Variants in ZNF90 observed in about 807,000 individuals in gnomAD.
ZNF90 encodes the protein zinc finger protein 90, also known as zinc finger protein HTF9.
ZNF90 carries 11 observed loss-of-function variants against 12.0 expected under a neutral mutation model. That is an observed-to-expected ratio of 0.92 (90% CI 0.58 to 1.52). The LOEUF is 1.52. Ranked by LOEUF, ZNF90 falls within the 40% of genes most tolerant of loss-of-function variation. The pLI is 0.00. For missense variants in ZNF90, 765 were observed against 711.5 expected (o/e 1.08, Z -0.86); for synonymous variants, 232 against 240.1 (o/e 0.97, Z 0.31).
intron 3 of ZNF90, among the ~76,000 whole-genome samples, chr19:20,117,219 T>A (rs1375001912): frequency 6.6e-6 from 1 of 152,004 alleles, no homozygotes; most frequent in Non-Finnish European, 1.5e-5. Flanking sequence ...ATATTTTGTA[T>A]TTTTAGTACA....
intron 1 of ZNF90, among the ~76,000 whole-genome samples, chr19:20,087,908 T>A (rs2088872052): frequency 6.6e-6 from 1 of 151,898 alleles, no homozygotes; most frequent in Non-Finnish European, 1.5e-5. Context: ...TCAGTGGGGG[T>A]GCTTTTTGAG....
intron 3 of ZNF90, among the ~76,000 whole-genome samples, chr19:20,115,754 A>C (rs1461130301): frequency 6.6e-6 from 1 of 151,622 alleles, no homozygotes; most frequent in African/African-American, 2.4e-5. Context: ...ACTTTTTGTA[A>C]TTTTTATATC....
At chr19:20,086,274 G>A (rs1011670660) in intron 1 of ZNF90, among the ~76,000 whole-genome samples, 2 of 107,782 alleles carry the variant, frequency 1.9e-5, no homozygotes, top group Admixed American at 1.4e-4. Context: ...TCTCACTCTT[G>A]CCCAGGCTGG....
In ZNF90 at chr19:20,117,515, G is replaced by A. The variant is rs145556045; in HGVS notation, c.227-266G>A. 2.7e-3 allele frequency: 2,324 copies of A among 873,438 alleles called. 37 individuals carry two copies. The African/African-American group carries it at 0.034, about 13-fold the overall frequency. 54.1% of individuals were successfully genotyped at this position (873,438 alleles called of 1,614,324 possible). ...TGCAGTGGTGTGATCTTGGGTCACC[G>A]CAATCTCCGCCTCCCAGGCTCAAGC... On this transcript the variant is annotated intron_variant, in intron 3 of 3. Transcript: ENST00000418063.
intron 1 of ZNF90, among the ~76,000 whole-genome samples, chr19:20,091,827 G>T (rs949006966): frequency 6.6e-6 from 1 of 151,528 alleles, no homozygotes; most frequent in African/African-American, 2.4e-5. Context: ...ATATTGATGC[G>T]TAGTCCTTTT....
At chr19:20,091,381 T>A (rs1555702690) in intron 1 of ZNF90, among the ~76,000 whole-genome samples, 1 of 152,156 alleles carries the variant, frequency 6.6e-6, no homozygotes, top group Admixed American at 6.5e-5. Context: ...GCTTGTAACC[T>A]ACATGGAAGA....
At chr19:20,092,577 TTG>T (rs1203271717) in intron 1 of ZNF90, among the ~76,000 whole-genome samples, 1 of 152,144 alleles carries the variant, frequency 6.6e-6, no homozygotes, top group Non-Finnish European at 1.5e-5. Context: ...AGGTTTCCTT[TTG>T]TGAGTTTATA....
At chr19:20,085,268 C>CTTTTTTTTTTCTTTCTTTTTT (rs56068843) in intron 1 of ZNF90, among the ~76,000 whole-genome samples, 7 of 135,574 alleles carry the variant, frequency 5.2e-5, no homozygotes, top group African/African-American at 1.8e-4. Flanking sequence ...TTGCATTGGT[C>CTTTTTTTTTTCTTTCTTTTTT]TTTTTTTTTT....
At chr19:20,095,556 C>A (rs1289907526) in intron 1 of ZNF90, among the ~76,000 whole-genome samples, 1 of 151,234 alleles carries the variant, frequency 6.6e-6, no homozygotes, top group Non-Finnish European at 1.5e-5. Context: ...TCCAGAAAAG[C>A]AGGAAGGGGG....
intron 1 of ZNF90, among the ~76,000 whole-genome samples, chr19:20,101,753 A>G (rs1555703924): frequency 6.6e-6 from 1 of 152,098 alleles, no homozygotes; most frequent in Non-Finnish European, 1.5e-5. Context: ...AATTCCAGAG[A>G]AGGAGGAGAA....
intron 1 of ZNF90, among the ~76,000 whole-genome samples, chr19:20,096,672 C>T (rs1176662194): frequency 8.5e-5 from 13 of 152,116 alleles, no homozygotes; most frequent in African/African-American, 2.4e-4. Flanking sequence ...TAAGGTGGGG[C>T]AGGGCATATT....
At chr19:20,100,953 G>T (rs375059876) in intron 1 of ZNF90, among the ~76,000 whole-genome samples, 7 of 152,234 alleles carry the variant, frequency 4.6e-5, no homozygotes, top group African/African-American at 1.7e-4. Context: ...TTTGAGTCGG[G>T]AGTGCACAAC....
intron 3 of ZNF90, among the ~76,000 whole-genome samples, chr19:20,111,878 G>A (rs7259669): frequency 0.36 from 53,205 of 149,820 alleles, 13,413 homozygotes; most frequent in African/African-American, 0.71. Flanking sequence ...TTTTTTTTTG[G>A]GATGGAGTCT....
intron 1 of ZNF90, among the ~76,000 whole-genome samples, chr19:20,084,361 A>G (rs1225843133): frequency 6.6e-6 from 1 of 152,170 alleles, no homozygotes; most frequent in Non-Finnish European, 1.5e-5. Flanking sequence ...CAGGCTGACC[A>G]TACCATATTT....
chr19:20,084,087 G>A (rs189316610), intron 1 of ZNF90, among the ~76,000 whole-genome samples: 8 of 146,518 alleles, frequency 5.5e-5, no homozygotes, highest in African/African-American at 1.8e-4. Flanking sequence ...TTTTTGAGAC[G>A]GAGTCTCCCA....
chr19:20,119,470 T>A lies in ZNF90; in HGVS notation c.*110T>A, dbSNP rs2089177472. 1.1e-6 allele frequency: 1 copy of A among 899,136 alleles called. No homozygotes were observed. The highest frequency in any genetic ancestry group is 1.7e-6 in the Non-Finnish European group (1 of 600,264). 55.7% of individuals were successfully genotyped at this position (899,136 alleles called of 1,614,324 possible). A position where few individuals can be genotyped will look rare whatever the true frequency, so the allele number is the denominator to read the frequency against. On this transcript the variant is annotated 3_prime_UTR_variant, in exon 4 of 4. Coordinates refer to ENST00000418063, the MANE Select transcript of ZNF90 (RefSeq NM_007138.2). ...ACCACCCCTCTACTCTTACTAAATA[T>A]GAGAATTTATATGAAACATAACTCC...
At chr19:20,095,093 A>G (rs1230438094) in intron 1 of ZNF90, among the ~76,000 whole-genome samples, 1 of 152,022 alleles carries the variant, frequency 6.6e-6, no homozygotes, top group Non-Finnish European at 1.5e-5. Context: ...GTCTGTAGAA[A>G]AGGAAGACTG....
chr19:20,088,380 T>C (rs144684975), intron 1 of ZNF90, among the ~76,000 whole-genome samples: 2,260 of 152,132 alleles, frequency 0.015, 52 homozygotes, highest in African/African-American at 0.052. Context: ...AGATTGGTGA[T>C]GGCCTGGATA....
chr19:20,086,755 T>C (rs1426870148), intron 1 of ZNF90, among the ~76,000 whole-genome samples: 10 of 152,252 alleles, frequency 6.6e-5, no homozygotes, highest in Admixed American at 5.9e-4. Flanking sequence ...TTAAGTCTAA[T>C]ATCCAAATAA....
Sources: allele counts gnomAD v4.1 joint callset (sites outside exome capture counted in the v4.1 genomes callset), GRCh38; gene constraint gnomAD v4.1.1; transcripts MANE v1.5; gene names NCBI Gene and HGNC (gene_info 2026-07-23, HGNC 2026-07-21).